CADPS2: variants seen among roughly 807,000 people sequenced by gnomAD.
The protein encoded by CADPS2 is calcium dependent secretion activator 2.
A neutral mutation model predicts 172.5 loss-of-function variants in CADPS2; 93 were observed. The observed-to-expected ratio is 0.54, with a 90% CI of 0.46 to 0.64. CADPS2 has a LOEUF of 0.64. Ranked by LOEUF, CADPS2 falls within the 30% of genes least tolerant of loss-of-function variation. The probability of loss-of-function intolerance (pLI) is 0.00; values close to 1 mark genes in which losing one functional copy is unlikely to be tolerated. For missense variants in CADPS2, 1,420 were observed against 1,565.9 expected, an observed-to-expected ratio of 0.91 and a Z score of 1.57; for synonymous variants, 546 against 555.2, an observed-to-expected ratio of 0.98 and a Z score of 0.23.
rs1468899115 is a variant in CADPS2, at chr7:122,471,579, G to T, written c.1999-17C>A. 2 of 1,540,358 alleles carry T rather than the reference G, an allele frequency of 1.3e-6. No individual in the cohort carries two copies. Among genetic ancestry groups the T allele is most frequent in the Admixed American group, 2.1e-5 (1 of 47,530 alleles). ...AAACCATCCCTGCAAAATAAAAAAA[G>T]AATAGATATACATGTTTTTTCTTTC... On this transcript the variant is annotated splice_polypyrimidine_tract_variant and intron_variant, in intron 13 of 29. Coordinates refer to ENST00000449022, the MANE Select transcript of CADPS2 (RefSeq NM_017954.11).
intron 1 of CADPS2, among the ~76,000 whole-genome samples, chr7:122,841,721 GA>G (rs1810565936): frequency 1.3e-5 from 2 of 152,120 alleles, no homozygotes; most frequent in East Asian, 1.9e-4. Flanking sequence ...TAAAGAAAAC[GA>G]AGAGTTGCCT....
chr7:122,720,662 C>T (rs1454636734), intron 2 of CADPS2, among the ~76,000 whole-genome samples: 3 of 151,256 alleles, frequency 2.0e-5, no homozygotes, highest in Non-Finnish European at 2.9e-5. Flanking sequence ...AGTGAGAGCC[C>T]GTGCGAAACT....
chr7:122,608,034 C>T (rs748057217), intron 6 of CADPS2, among the ~76,000 whole-genome samples: 1 of 151,858 alleles, frequency 6.6e-6, no homozygotes, highest in African/African-American at 2.4e-5. Flanking sequence ...CTGGCCAACA[C>T]AGTGAAACCC....
At position 122,704,953 on chromosome 7, in the gene CADPS2, T is replaced by C. The variant is rs544042105; in HGVS notation, c.453+32002A>G. On this transcript the variant is annotated intron_variant, in intron 2 of 29. Transcript: ENST00000449022. ...TAATAAGAAATTATGTGGTCCAAAA[T>C]ATCAATAGTAAGGTTAAGAAACCCT... 1.3e-3 allele frequency among the ~76,000 whole-genome samples: 194 copies of C among 152,020 alleles called. 1 individual carries two copies. The highest frequency in any genetic ancestry group is 3.4e-3 in the Middle Eastern group (1 of 294).
At chr7:122,541,605 A>G (rs967351559) in intron 8 of CADPS2, among the ~76,000 whole-genome samples, 3 of 145,472 alleles carry the variant, frequency 2.1e-5, no homozygotes, top group Non-Finnish European at 4.5e-5. Context: ...ATATATTTAT[A>G]TATTCACATA....
At chr7:122,700,901 C>T (rs146536276) in intron 2 of CADPS2, among the ~76,000 whole-genome samples, 1 of 152,106 alleles carries the variant, frequency 6.6e-6, no homozygotes, top group East Asian at 1.9e-4. Context: ...CTTTTCCTTA[C>T]ATATCCAAAG....
chr7:122,443,988 C>T (rs550057356), intron 15 of CADPS2, among the ~76,000 whole-genome samples: 42 of 152,196 alleles, frequency 2.8e-4, no homozygotes, highest in African/African-American at 9.9e-4. Flanking sequence ...GTCTTCCCCC[C>T]AGATCACAGG....
chr7:122,879,259 C>G (rs1585121964), intron 1 of CADPS2, among the ~76,000 whole-genome samples: 1 of 131,180 alleles, frequency 7.6e-6, no homozygotes, highest in East Asian at 2.3e-4. Context: ...AAAAAAGGAC[C>G]AGGTGCAGTG....
chr7:122,777,092 A>G (rs1320019828), intron 1 of CADPS2, among the ~76,000 whole-genome samples: 1 of 152,192 alleles, frequency 6.6e-6, no homozygotes, highest in African/African-American at 2.4e-5. Context: ...CTGAGGCTGC[A>G]GTGTGCTGTG....
At chr7:122,406,840 GT>G (rs2046705925) in intron 20 of CADPS2, among the ~76,000 whole-genome samples, 1 of 152,086 alleles carries the variant, frequency 6.6e-6, no homozygotes, top group African/African-American at 2.4e-5. Flanking sequence ...TGAAACAAAG[GT>G]TGTCAGTGGT....
intron 1 of CADPS2, among the ~76,000 whole-genome samples, chr7:122,876,392 C>T (rs1821217511): frequency 6.6e-6 from 1 of 152,130 alleles, no homozygotes; most frequent in South Asian, 2.1e-4. Flanking sequence ...GACAGGGTCT[C>T]ACTTTGTCAC....
chr7:122,872,213 A>C (rs1239176916), intron 1 of CADPS2, among the ~76,000 whole-genome samples: 1 of 152,106 alleles, frequency 6.6e-6, no homozygotes, highest in East Asian at 1.9e-4. Flanking sequence ...AAAAAGGATA[A>C]AGTTCAAAGC....
chr7:122,808,974 T>C (rs1397186490), intron 1 of CADPS2, among the ~76,000 whole-genome samples: 3 of 152,214 alleles, frequency 2.0e-5, no homozygotes, highest in African/African-American at 4.8e-5. Flanking sequence ...TAGGACTATA[T>C]GTTCCTTATA....
Position 122,379,409 on chromosome 7 carries a change from C to A in CADPS2, c.3346G>T (p.Asp1116Tyr). The A allele has an allele frequency of 6.2e-7, 1 of 1,603,012 alleles. No individual in the cohort carries two copies. The highest frequency in any genetic ancestry group is 1.1e-5 in the South Asian group (1 of 90,238). Reference protein sequence around the residue: ...QYHSKIDDLIDNSVKEIISLL... With the variant: ...QYHSKIDDLIYNSVKEIISLL... The stretch of plus-strand genomic sequence containing the variant: ...GAAATGATTTCTTTTACACTGTTGT[C>A]GATCAGATCATCTATTTTTGAATGG... Residue 1116 changes from aspartate to tyrosine, a missense_variant, in exon 25 of 30, where the codon GAC becomes TAC. Asp to Tyr is a radical substitution (Grantham distance 160). Coordinates refer to ENST00000449022, the MANE Select transcript of CADPS2 (RefSeq NM_017954.11).
chr7:122,838,094 C>A (rs555112678), intron 1 of CADPS2, among the ~76,000 whole-genome samples: 18 of 152,304 alleles, frequency 1.2e-4, no homozygotes, highest in African/African-American at 4.1e-4. Flanking sequence ...ATCAAGTGGG[C>A]TTCATCCCTG....
chr7:122,636,987 T>G (rs1461318819), intron 3 of CADPS2, among the ~76,000 whole-genome samples: 2 of 152,104 alleles, frequency 1.3e-5, no homozygotes, highest in African/African-American at 2.4e-5. Flanking sequence ...GCCAATGAGT[T>G]GTAGATTTGG....
intron 20 of CADPS2, among the ~76,000 whole-genome samples, chr7:122,397,801 G>A (rs1029329070): frequency 2.6e-5 from 4 of 152,120 alleles, no homozygotes; most frequent in African/African-American, 9.7e-5. Context: ...TTCATTGTAA[G>A]AGGCAAGTTC....
At chr7:122,843,859 A>C (rs1427751328) in intron 1 of CADPS2, among the ~76,000 whole-genome samples, 1 of 152,252 alleles carries the variant, frequency 6.6e-6, no homozygotes, top group South Asian at 2.1e-4. Flanking sequence ...GCAAAAGTGT[A>C]AAGTGAAGAA....
At chr7:122,885,965 G>A (rs1272452401) in intron 1 of CADPS2, 34 bp downstream of exon 1, 46 of 1,582,808 alleles carry the variant, frequency 2.9e-5, no homozygotes, top group Non-Finnish European at 3.9e-5. Flanking sequence ...CCAGGGAGAA[G>A]TGGTGGTAGG....
Sources: gnomAD v4.1 joint callset for allele counts (sites outside exome capture counted in the v4.1 genomes callset) on GRCh38, gnomAD v4.1.1 for gene constraint, MANE v1.5 for transcripts, NCBI Gene and HGNC (gene_info 2026-07-23, HGNC 2026-07-21) for gene names.